NDUFA3: variants seen among roughly 807,000 people sequenced by gnomAD.
NDUFA3 encodes the protein NADH dehydrogenase [ubiquinone] 1 alpha subcomplex subunit 3.
In NDUFA3, 10 loss-of-function variants were observed where a neutral mutation model predicts 11.4. The observed-to-expected ratio is 0.87, with a 90% CI of 0.54 to 1.48. The LOEUF (loss-of-function observed/expected upper bound fraction) is 1.48. Among genes scored for constraint, NDUFA3 ranks in the 40% most tolerant of loss-of-function variants. The pLI is 0.00. For missense variants in NDUFA3, 115 were observed against 110.5 expected (o/e 1.04, Z -0.18); for synonymous variants, 39 against 46.9 (o/e 0.83, Z 0.68).
At chr19:54,103,558 AT>A (rs1219771648) in intron 2 of NDUFA3, among the ~76,000 whole-genome samples, 2 of 151,960 alleles carry the variant, frequency 1.3e-5, no homozygotes, top group Non-Finnish European at 2.9e-5. Context: ...TCTTGTGAAA[AT>A]CCCCGTATGA....
Position 54,103,160 on chromosome 19 carries a change from GGTC to G in NDUFA3, c.60_62del (p.Val21del). 6.2e-7 allele frequency: 1 copy of G among 1,604,014 alleles called. No homozygotes were observed. The highest frequency in any genetic ancestry group is 8.5e-7 in the Non-Finnish European group (1 of 1,173,356). On this transcript the variant is annotated inframe_deletion, in exon 2 of 4. Transcript: ENST00000485876. The stretch of plus-strand genomic sequence containing the variant: ...ATGCCTGGGACAAGGAGCCAGTGCT[GGTC>G]GTGTCCTTCGTCGTCGGGGGCCTCG...
chr19:54,105,263 G>GATTTTTTTT (rs1201834834), intron 2 of NDUFA3, among the ~76,000 whole-genome samples: 42 of 38,988 alleles, frequency 1.1e-3, no homozygotes, highest in Non-Finnish European at 1.6e-3. Context: ...AGTTTGTAAG[G>GATTTTTTTT]CTTTTTTTTT....
intron 2 of NDUFA3, 106 bp from the exon 3 acceptor site, chr19:54,105,816 GGCCCTCCCTGCT>G (rs1300510704): frequency 1.2e-6 from 1 of 821,044 alleles, no homozygotes; most frequent in Non-Finnish European, 2.1e-6. Context: ...TGGACGTGCT[GGCCCTCCCTGCT>G]GCCCTCCCCC....
At chr19:54,104,740 T>G (rs62143392) in intron 2 of NDUFA3, among the ~76,000 whole-genome samples, 11 of 150,628 alleles carry the variant, frequency 7.3e-5, no homozygotes, top group Non-Finnish European at 7.4e-5. Context: ...TTTTTTTGTT[T>G]GTTTGTTTTT....
In NDUFA3 at chr19:54,107,240, TG is replaced by T; in HGVS notation, c.*339del. The T allele has an allele frequency of 6.4e-7, 1 of 1,570,910 alleles. No individual in the cohort carries two copies. ...AAAATCCCATCAGCTTCACCATTTT[TG>T]TTTTCATTTTGTTTTGCTTTTTAAA... On this transcript the variant is annotated 3_prime_UTR_variant, in exon 4 of 4. Transcript: ENST00000485876.
intron 3 of NDUFA3, 77 bp from the exon 4 acceptor site, chr19:54,106,734 A>G (rs1299646579): frequency 2.5e-5 from 32 of 1,288,076 alleles, no homozygotes; most frequent in Non-Finnish European, 3.2e-5. Context: ...CTCTCTGAAC[A>G]TAAAGCGACA....
chr19:54,104,598 T>C (rs1279705414), intron 2 of NDUFA3, among the ~76,000 whole-genome samples: 10 of 152,174 alleles, frequency 6.6e-5, no homozygotes, highest in Non-Finnish European at 1.2e-4. Context: ...ACTGAGCATT[T>C]GAAGTGGTGC....
intron 2 of NDUFA3, among the ~76,000 whole-genome samples, chr19:54,103,402 C>T (rs1322990849): frequency 1.3e-5 from 2 of 152,112 alleles, no homozygotes; most frequent in African/African-American, 4.8e-5. Context: ...CTCTTAACCC[C>T]TCTAAATGAG....
In NDUFA3 at chr19:54,105,267, T is replaced by C. The variant is rs1230713457; in HGVS notation, c.86-667T>C. Reference sequence around the variant, plus strand: ...CTTTCTCCTCCAGTTTGTAAGGCTTTTTTTTTTTTTTTTTTTTTGGTGATG... The same window carrying C: ...CTTTCTCCTCCAGTTTGTAAGGCTTCTTTTTTTTTTTTTTTTTTGGTGATG... On this transcript the variant is annotated intron_variant, in intron 2 of 3. Coordinates refer to ENST00000485876, the MANE Select transcript of NDUFA3 (RefSeq NM_004542.4). Among the ~76,000 whole-genome samples, 26 of 125,286 alleles carry C rather than the reference T, an allele frequency of 2.1e-4. 1 individual carries two copies. The East Asian group carries it at 4.3e-3, about 21-fold the overall frequency. 82.2% of individuals were successfully genotyped at this position (125,286 alleles called of 152,430 possible).
Position 54,106,715 on chromosome 19 carries a change from C to T in NDUFA3, c.164-96C>T, listed in dbSNP as rs878959857. 4.8e-6 allele frequency: 5 copies of T among 1,041,044 alleles called. No homozygotes were observed. In the South Asian group the frequency reaches 5.3e-5, roughly 11 times the overall value. The allele number at this position is 1,041,044 out of a possible 1,614,324, so 64.5% of individuals were successfully genotyped here. On this transcript the variant is annotated intron_variant, in intron 3 of 3. Coordinates refer to ENST00000485876, the MANE Select transcript of NDUFA3 (RefSeq NM_004542.4). ...ACCCTTCCCCTCTCACCCCTGGGGT[C>T]CCCCTTCCCTCTCTGAACATAAAGC...
intron 1 of NDUFA3, 95 bp from the exon 2 acceptor site, chr19:54,103,019 C>A: frequency 6.5e-7 from 1 of 1,534,566 alleles, no homozygotes; most frequent in Non-Finnish European, 8.9e-7. Flanking sequence ...GCAGAAGTCA[C>A]GAGGGGGCTC....
At chr19:54,105,870 A>G (rs2073243617) in intron 2 of NDUFA3, 64 bp from the exon 3 acceptor site, 18 of 1,407,566 alleles carry the variant, frequency 1.3e-5, no homozygotes, top group Non-Finnish European at 1.3e-5. Context: ...GCCAAGGCTC[A>G]CCTTCTCTTC....
intron 2 of NDUFA3, among the ~76,000 whole-genome samples, chr19:54,104,259 T>G (rs1191116555): frequency 1.3e-5 from 2 of 149,384 alleles, no homozygotes; most frequent in Non-Finnish European, 3.0e-5. Flanking sequence ...TGCCTCCGCC[T>G]CCCAAGTAGC....
chr19:54,107,009 G>A lies in NDUFA3; in HGVS notation c.*107G>A, dbSNP rs199533841. The A allele has an allele frequency of 1.9e-4, 306 of 1,606,984 alleles. No individual in the cohort carries two copies. Among genetic ancestry groups the A allele is most frequent in the Middle Eastern group, 5.0e-4 (3 of 5,986 alleles). On this transcript the variant is annotated 3_prime_UTR_variant, in exon 4 of 4. Transcript: ENST00000485876. ...TGATCAGAGGTGGGAACAAGTAGAC[G>A]GTGGCCGGGGTGAGTGTGGGGTCAG...
chr19:54,103,424 C>G (rs1487679232), intron 2 of NDUFA3, among the ~76,000 whole-genome samples: 1 of 152,244 alleles, frequency 6.6e-6, no homozygotes, highest in Non-Finnish European at 1.5e-5. Flanking sequence ...CGTTCTCAAC[C>G]CTGCTTATGC....
Position 54,102,891 on chromosome 19 carries a change from A to C in NDUFA3, c.10+3A>C. On this transcript the variant is annotated splice_donor_region_variant and intron_variant, in intron 1 of 3. Coordinates refer to ENST00000485876, the MANE Select transcript of NDUFA3 (RefSeq NM_004542.4). Reference sequence around the variant, plus strand: ...CGCGGAGACAAAGATGGCTGCGAGTAAGTGCAGGTGCCGGTGGCGCACGGG... The same window carrying C: ...CGCGGAGACAAAGATGGCTGCGAGTCAGTGCAGGTGCCGGTGGCGCACGGG... 1 of 1,610,518 alleles carries C rather than the reference A, an allele frequency of 6.2e-7. No individual in the cohort carries two copies. The highest frequency in any genetic ancestry group is 1.1e-5 in the South Asian group (1 of 90,668).
rs1316415018 is a variant in NDUFA3, at chr19:54,105,264, C to CCTTTTTTTTTTTTTTTTTTTTTTTT, written c.86-670_86-669insCTTTTTTTTTTTTTTTTTTTTTTTT. On this transcript the variant is annotated intron_variant, in intron 2 of 3. Transcript: ENST00000485876. ...ACCCTTTCTCCTCCAGTTTGTAAGG[C>CCTTTTTTTTTTTTTTTTTTTTTTTT]TTTTTTTTTTTTTTTTTTTTTGGTG... 1.5e-4 allele frequency among the ~76,000 whole-genome samples: 11 copies of CCTTTTTTTTTTTTTTTTTTTTTTTT among 71,258 alleles called. 1 individual carries two copies. The highest frequency in any genetic ancestry group is 4.0e-4 in the Admixed American group (2 of 4,976). The allele number at this position is 71,258 out of a possible 152,430, so 46.7% of individuals were successfully genotyped here. A position where few individuals can be genotyped will look rare whatever the true frequency, so the allele number is the denominator to read the frequency against.
Position 54,105,911 on chromosome 19 carries a change from C to T in NDUFA3, c.86-23C>T, listed in dbSNP as rs752638994. Reference sequence around the variant, plus strand: ...TCTTCAGAGCCACCTTCCCCTGGGCCTCACCCCTGTGTCTCTCCACAGCTG... The same window carrying T: ...TCTTCAGAGCCACCTTCCCCTGGGCTTCACCCCTGTGTCTCTCCACAGCTG... On this transcript the variant is annotated intron_variant, in intron 2 of 3. Transcript: ENST00000485876. 5.0e-6 allele frequency: 8 copies of T among 1,591,256 alleles called. No individual in the cohort carries two copies. In the East Asian group the frequency reaches 1.6e-4, roughly 31 times the overall value.
chr19:54,106,110 G>A (rs766581249), intron 3 of NDUFA3, 99 bp downstream of exon 3: 1 of 1,156,938 alleles, frequency 8.6e-7, no homozygotes, highest in Admixed American at 1.8e-5. Flanking sequence ...AGTTATCAGA[G>A]ATTCTGCAGT....
Sources: gnomAD v4.1 joint callset for allele counts (sites outside exome capture counted in the v4.1 genomes callset) on GRCh38, gnomAD v4.1.1 for gene constraint, MANE v1.5 for transcripts, NCBI Gene and HGNC (gene_info 2026-07-23, HGNC 2026-07-21) for gene names.